NCAM2: variants seen among roughly 807,000 people sequenced by gnomAD.
The protein encoded by NCAM2 is neural cell adhesion molecule 2, also known as N-CAM-2.
NCAM2 carries 30 observed loss-of-function variants against 98.1 expected under a neutral mutation model. The ratio of observed to expected loss-of-function variants is 0.31; its 90% CI spans 0.23 to 0.41. The LOEUF is 0.41. Ranked by LOEUF, NCAM2 falls within the 10% of genes least tolerant of loss-of-function variation. The probability of loss-of-function intolerance (pLI) is 1.00; values close to 1 mark genes in which losing one functional copy is unlikely to be tolerated. For missense variants in NCAM2, 867 were observed against 1,005.8 expected, an observed-to-expected ratio of 0.86 and a Z score of 1.87; for synonymous variants, 368 against 342.4, an observed-to-expected ratio of 1.07 and a Z score of -0.83.
At chr21:21,484,693 C>T (rs1986194660) in intron 15 of NCAM2, among the ~76,000 whole-genome samples, 1 of 152,146 alleles carries the variant, frequency 6.6e-6, no homozygotes, top group African/African-American at 2.4e-5. Flanking sequence ...TATCTTCACC[C>T]ATGAATGATT....
intron 1 of NCAM2, among the ~76,000 whole-genome samples, chr21:21,278,977 T>C (rs540366678): frequency 6.6e-6 from 1 of 152,302 alleles, no homozygotes; most frequent in African/African-American, 2.4e-5. Flanking sequence ...CAGGCCTTAT[T>C]TCACCATGTG....
rs1569147043 is a variant in NCAM2 at position 21,537,930 on chromosome 21, A to C, written c.2487A>C (p.Gln829His). The change falls in exon 18 of 18, where the codon CAA (glutamine) becomes CAC (histidine). Residue 829 changes from glutamine (Q) to histidine (H), a missense_variant. This residue lies in a region of NCAM2 where 125 missense variants were observed against 116.1 expected (regional missense o/e 1.08). Transcript: ENST00000400546. Reference protein sequence around the residue: ...IEIKVSNDIIQSKEDDSKA With the variant: ...IEIKVSNDIIHSKEDDSKA ...TTAAAGTTTCTAACGACATCATTCA[A>C]TCAAAAGAAGACGACAGCAAAGCAT... 2 of 1,571,080 alleles carry C rather than the reference A, an allele frequency of 1.3e-6. No homozygotes were observed. The highest frequency in any genetic ancestry group is 1.7e-6 in the Non-Finnish European group (2 of 1,156,046).
chr21:21,399,136 T>C (rs1316965619), intron 9 of NCAM2, among the ~76,000 whole-genome samples: 1 of 152,208 alleles, frequency 6.6e-6, no homozygotes, highest in Non-Finnish European at 1.5e-5. Context: ...GTCACAATGC[T>C]TCCATAAATA....
chr21:21,263,802 G>T (rs975228270), intron 1 of NCAM2, among the ~76,000 whole-genome samples: 1 of 152,158 alleles, frequency 6.6e-6, no homozygotes, highest in Admixed American at 6.5e-5. Flanking sequence ...CAGGCTAAAC[G>T]TATGCAGAAG....
At chr21:21,183,292 A>G (rs576384761) in intron 1 of NCAM2, among the ~76,000 whole-genome samples, 36 of 152,262 alleles carry the variant, frequency 2.4e-4, no homozygotes. Context: ...CAGAATTAAA[A>G]TGCTTGTGGT....
At chr21:21,312,595 A>T (rs928540359) in intron 5 of NCAM2, among the ~76,000 whole-genome samples, 4 of 82 alleles carry the variant, frequency 0.049, no homozygotes, top group African/African-American at 0.12. Context: ...TAATGTTGAT[A>T]TATTTCCTAT....
chr21:21,129,691 T>A (rs2066896656), intron 1 of NCAM2, among the ~76,000 whole-genome samples: 1 of 151,734 alleles, frequency 6.6e-6, no homozygotes, highest in African/African-American at 2.4e-5. Context: ...CTTTTGTCGC[T>A]GTTGCCACCT....
At chr21:21,270,929 C>T (rs1329424029) in intron 1 of NCAM2, among the ~76,000 whole-genome samples, 1 of 151,840 alleles carries the variant, frequency 6.6e-6, no homozygotes, top group Non-Finnish European at 1.5e-5. Context: ...CAGATATTCT[C>T]ATCTTCTCTT....
intron 2 of NCAM2, among the ~76,000 whole-genome samples, chr21:21,281,560 T>C (rs977316426): frequency 8.5e-5 from 13 of 152,120 alleles, no homozygotes; most frequent in African/African-American, 1.2e-4. Context: ...GAAATTTAAA[T>C]ATTTCAGCAT....
intron 9 of NCAM2, among the ~76,000 whole-genome samples, chr21:21,392,011 T>A (rs1192786117): frequency 6.6e-6 from 1 of 152,144 alleles, no homozygotes; most frequent in African/African-American, 2.4e-5. Context: ...AGTCAGAGGG[T>A]TTGTGTGTCT....
intron 1 of NCAM2, among the ~76,000 whole-genome samples, chr21:21,136,924 C>CA (rs2067068360): frequency 6.7e-6 from 1 of 149,208 alleles, no homozygotes; most frequent in Admixed American, 6.7e-5. Context: ...GGTTTAAGGA[C>CA]AAAAAAGCTA....
At chr21:21,380,924 C>G (rs555318118) in intron 9 of NCAM2, among the ~76,000 whole-genome samples, 1 of 152,168 alleles carries the variant, frequency 6.6e-6, no homozygotes, top group Non-Finnish European at 1.5e-5. Context: ...CTCTGCTGAT[C>G]TCTCACTTGA....
chr21:21,147,987 G>T (rs888451472), intron 1 of NCAM2, among the ~76,000 whole-genome samples: 1 of 151,954 alleles, frequency 6.6e-6, no homozygotes, highest in African/African-American at 2.4e-5. Flanking sequence ...AGAACCGGGG[G>T]CACTGAGGGC....
intron 1 of NCAM2, among the ~76,000 whole-genome samples, chr21:21,277,845 A>T (rs1249693999): frequency 1.3e-5 from 2 of 152,156 alleles, no homozygotes; most frequent in East Asian, 3.9e-4. Flanking sequence ...GATGAAATAT[A>T]TTGGATTAAA....
chr21:21,489,935 A>ACATGT (rs10638248), intron 15 of NCAM2, among the ~76,000 whole-genome samples: 152,098 of 152,184 alleles, frequency 1, 76,006 homozygotes, highest in Middle Eastern at 1. Flanking sequence ...TATTCCTTCT[A>ACATGT]TATACTTACA....
intron 1 of NCAM2, among the ~76,000 whole-genome samples, chr21:21,130,048 T>C (rs556845385): frequency 6.6e-6 from 1 of 152,270 alleles, no homozygotes; most frequent in Non-Finnish European, 1.5e-5. Flanking sequence ...TGGACCTCTC[T>C]TCTTACTCTA....
intron 1 of NCAM2, among the ~76,000 whole-genome samples, chr21:21,219,659 T>G (rs11701880): frequency 0.48 from 72,747 of 152,092 alleles, 18,271 homozygotes; most frequent in Non-Finnish European, 0.57. Context: ...TTTAGATATT[T>G]ACTACACTAT....
chr21:21,534,672 T>G lies in NCAM2; in HGVS notation c.2402+16T>G, dbSNP rs1460400761. 6.4e-7 allele frequency: 1 copy of G among 1,566,442 alleles called. No homozygotes were observed. ...CAGAACCTGAGTATGTGGCTTGGAG[T>G]GCTCACTTATGTTCAAATGGGTATT... On this transcript the variant is annotated intron_variant, in intron 17 of 17. Coordinates refer to ENST00000400546, the MANE Select transcript of NCAM2 (RefSeq NM_004540.5).
chr21:21,258,088 A>G (rs2071745638), intron 1 of NCAM2, among the ~76,000 whole-genome samples: 1 of 152,244 alleles, frequency 6.6e-6, no homozygotes, highest in Non-Finnish European at 1.5e-5. Flanking sequence ...TAAGTTCAGG[A>G]CAGATTCACA....
Sources: allele counts gnomAD v4.1 joint callset (sites outside exome capture counted in the v4.1 genomes callset), GRCh38; gene constraint gnomAD v4.1.1; regional missense constraint gnomAD v4.1.1; transcripts MANE v1.5; gene names NCBI Gene and HGNC (gene_info 2026-07-23, HGNC 2026-07-21).